Variants in SLC34A1 observed in about 807,000 individuals in gnomAD.
SLC34A1 encodes sodium-dependent phosphate transport protein 2A.
Under a neutral mutation model 51.4 loss-of-function variants are expected in SLC34A1, and 57 were observed. That is an observed-to-expected ratio of 1.11 (90% confidence interval 0.90 to 1.38). The LOEUF (loss-of-function observed/expected upper bound fraction) is 1.38. Ranked by LOEUF, SLC34A1 falls within the 40% of genes most tolerant of loss-of-function variation. SLC34A1 has a pLI of 0.00. For synonymous variants in SLC34A1, 368 were observed against 358.0 expected, an observed-to-expected ratio of 1.03 and a Z score of -0.32; for missense variants, 796 against 835.6, an observed-to-expected ratio of 0.95 and a Z score of 0.58.
intron 9 of SLC34A1, 109 bp from the exon 10 acceptor site, chr5:177,393,919 C>G: frequency 6.5e-7 from 1 of 1,529,602 alleles, no homozygotes; most frequent in Non-Finnish European, 9.0e-7. Flanking sequence ...GGTGTTGAGG[C>G]TCAAGGAGCC....
chr5:177,389,916 C>T (rs781319980), intron 8 of SLC34A1: 145 of 1,428,134 alleles, frequency 1.0e-4, no homozygotes, highest in Non-Finnish European at 1.2e-4. Flanking sequence ...TCCTTAAACG[C>T]TTTCTGCAGG....
In SLC34A1 at chr5:177,386,115, C is replaced by A. The variant is rs746425091; in HGVS notation, c.238C>A (p.Leu80Met). The A allele has an allele frequency of 6.2e-7, 1 of 1,613,544 alleles. No individual in the cohort carries two copies. The highest frequency in any genetic ancestry group is 1.1e-5 in the South Asian group (1 of 91,040). Reference sequence around the variant, plus strand: ...TGAACCACTGCCTGCCAAGCTGGCCCTGGAGGAGGAGCAGAAGCCAGGTGG... The same window carrying A: ...TGAACCACTGCCTGCCAAGCTGGCCATGGAGGAGGAGCAGAAGCCAGGTGG... Reference protein sequence around the residue: ...RHEPLPAKLALEEEQKPESRL... With the variant: ...RHEPLPAKLAMEEEQKPESRL... The change falls in exon 3 of 13, where the codon CTG becomes ATG. Residue 80 changes from leucine to methionine, a missense_variant. Leu to Met is a conservative substitution (Grantham distance 15). Transcript: ENST00000324417. This position sits in a 1 kb window ranked among gnomAD's most constrained non-coding sequence, Gnocchi z 4.8.
Position 177,386,371 on chromosome 5 carries a change from C to G in SLC34A1, c.388+22C>G. The G allele has an allele frequency of 6.2e-7, 1 of 1,614,226 alleles. No homozygotes were observed. The highest frequency in any genetic ancestry group is 8.5e-7 in the Non-Finnish European group (1 of 1,180,028). Reference sequence around the variant, plus strand: ...GGAGGTAGGGCCCGGGTGGAGGAGACCTGGGAGGGGTTCCTGAAGGGCCTT... The same window carrying G: ...GGAGGTAGGGCCCGGGTGGAGGAGAGCTGGGAGGGGTTCCTGAAGGGCCTT... On this transcript the variant is annotated intron_variant, in intron 4 of 12. Coordinates refer to ENST00000324417, the MANE Select transcript of SLC34A1 (RefSeq NM_003052.5). This position sits in a 1 kb window ranked among gnomAD's most constrained non-coding sequence, Gnocchi z 4.8.
chr5:177,391,138 A>G (rs892327523), intron 8 of SLC34A1, among the ~76,000 whole-genome samples: 3 of 152,174 alleles, frequency 2.0e-5, no homozygotes, highest in Admixed American at 6.5e-5. Context: ...CATCTTGGGA[A>G]GATGCCCCCA....
intron 10 of SLC34A1, among the ~76,000 whole-genome samples, chr5:177,395,186 G>C (rs909307535): frequency 1.3e-5 from 2 of 151,924 alleles, no homozygotes. Context: ...AATAAAAATA[G>C]AAAAAGAAAA....
chr5:177,396,774 ATGG>A lies in SLC34A1; in HGVS notation c.1223_1225del (p.Val408del). The A allele has an allele frequency of 1.2e-6, 2 of 1,614,168 alleles. No individual in the cohort carries two copies. The highest frequency in any genetic ancestry group is 1.7e-6 in the Non-Finnish European group (2 of 1,180,032). On this transcript the variant is annotated inframe_deletion, in exon 11 of 13. Coordinates refer to ENST00000324417, the MANE Select transcript of SLC34A1 (RefSeq NM_003052.5). This position sits in a 1 kb window ranked among gnomAD's most constrained non-coding sequence, Gnocchi z 4.0. Reference sequence around the variant, plus strand: ...CACCTGGGTCACAGGCTACTTTGCCATGGTGGTGGGCGCCAGCATGACCTTCGT... The same window carrying A: ...CACCTGGGTCACAGGCTACTTTGCCATGGTGGGCGCCAGCATGACCTTCGT...
Position 177,397,025 on chromosome 5 carries a change from TC to T in SLC34A1, c.1369del (p.Leu457TrpfsTer86), listed in dbSNP as rs750306682. 2.5e-6 allele frequency: 4 copies of T among 1,614,050 alleles called. No individual in the cohort carries two copies. ...GSNIGTTTTA[I>X]LAALASPREK... ...AACATCGGCACCACCACCACGGCCATCCTGGCTGCCCTGGCCAGCCCCAGGG... is the reference window on the plus strand; with the variant it reads ...AACATCGGCACCACCACCACGGCCATCTGGCTGCCCTGGCCAGCCCCAGGG... On this transcript the variant is annotated frameshift_variant, in exon 12 of 13. Coordinates refer to ENST00000324417, the MANE Select transcript of SLC34A1 (RefSeq NM_003052.5). LOFTEE classifies it high-confidence loss of function.
In SLC34A1 at chr5:177,398,183, G is replaced by A. The variant is rs1211687117; in HGVS notation, c.1817G>A (p.Arg606His). 14 of 1,610,932 alleles carry A rather than the reference G, an allele frequency of 8.7e-6. No homozygotes were observed. Among genetic ancestry groups the A allele is most frequent in the Middle Eastern group, 1.7e-4 (1 of 6,060 alleles). ...CTATGCTGTGCCAGGCCTGAGCCCC[G>A]CTCACCCCCGCTGCCCCCCAGGGTC... ...ATLCCARPEP[R>H]SPPLPPRVFL... Residue 606 changes from arginine to histidine, a missense_variant, in exon 13 of 13, where the codon CGC becomes CAC. Physicochemically the swap from Arg to His is conservative, Grantham distance 29 (BLOSUM62 0). Coordinates refer to ENST00000324417, the MANE Select transcript of SLC34A1 (RefSeq NM_003052.5). This position sits in a 1 kb window ranked among gnomAD's most constrained non-coding sequence, Gnocchi z 4.7.
At chr5:177,392,080 C>T (rs1038837164) in intron 8 of SLC34A1, among the ~76,000 whole-genome samples, 25 of 152,308 alleles carry the variant, frequency 1.6e-4, no homozygotes, top group African/African-American at 5.5e-4. Context: ...CCTGATGTGG[C>T]GAACTGGGAG....
intron 8 of SLC34A1, among the ~76,000 whole-genome samples, chr5:177,393,453 G>A (rs1348631750): frequency 2.0e-5 from 3 of 152,158 alleles, no homozygotes; most frequent in Non-Finnish European, 4.4e-5. Flanking sequence ...TGGCCCCAGG[G>A]AGAGCTGGGC....
Position 177,398,696 on chromosome 5 carries a change from G to A in SLC34A1, c.*410G>A, listed in dbSNP as rs1339425736. 5.2e-5 allele frequency: 12 copies of A among 231,924 alleles called. No individual in the cohort carries two copies. Among genetic ancestry groups the A allele is most frequent in the South Asian group, 1.3e-4 (2 of 15,304 alleles). 14.4% of individuals were successfully genotyped at this position (231,924 alleles called of 1,614,324 possible). On this transcript the variant is annotated 3_prime_UTR_variant, in exon 13 of 13. Coordinates refer to ENST00000324417, the MANE Select transcript of SLC34A1 (RefSeq NM_003052.5). The surrounding 1 kb of genome is among the most constrained non-coding windows in gnomAD (Gnocchi z 4.7). ...TTTGTGCATAGATGTTGGTGCCTGC[G>A]TTACTGAATTTGCACACCTCCTTGC... is the stretch of plus-strand genomic sequence containing the variant.
chr5:177,389,780 A>G (rs1394330267), intron 8 of SLC34A1: 2 of 1,536,310 alleles, frequency 1.3e-6, no homozygotes, highest in Non-Finnish European at 1.7e-6. Context: ...AGCAGCCTCC[A>G]CGTCCTCACT....
chr5:177,388,485 C>A lies in SLC34A1; in HGVS notation c.936+113C>A. Reference sequence around the variant, plus strand: ...TGAAGATCATTTAGCCAGGAGAGGGCAAATATGTGGCCCTTCTACTGTGCT... The same window carrying A: ...TGAAGATCATTTAGCCAGGAGAGGGAAAATATGTGGCCCTTCTACTGTGCT... On this transcript the variant is annotated intron_variant, in intron 8 of 12. Transcript: ENST00000324417. This position sits in a 1 kb window ranked among gnomAD's most constrained non-coding sequence, Gnocchi z 4.3. 3.4e-6 allele frequency: 3 copies of A among 886,812 alleles called. No individual in the cohort carries two copies. The highest frequency in any genetic ancestry group is 5.5e-6 in the Non-Finnish European group (3 of 544,378). 54.9% of individuals were successfully genotyped at this position (886,812 alleles called of 1,614,324 possible). A position where few individuals can be genotyped will look rare whatever the true frequency, so the allele number is the denominator to read the frequency against.
At chr5:177,394,874 T>C (rs900486169) in intron 10 of SLC34A1, among the ~76,000 whole-genome samples, 1 of 151,944 alleles carries the variant, frequency 6.6e-6, no homozygotes, top group East Asian at 1.9e-4. Context: ...TTTGTATTTT[T>C]AGTCGAGACA....
rs1762593798 is a variant in SLC34A1, at chr5:177,386,840, C to G, written c.532+274C>G. 6.6e-6 allele frequency among the ~76,000 whole-genome samples: 1 copy of G among 151,092 alleles called. No homozygotes were observed. The highest frequency in any genetic ancestry group is 1.5e-5 in the Non-Finnish European group (1 of 67,782). On this transcript the variant is annotated intron_variant, in intron 5 of 12. Transcript: ENST00000324417. This position sits in a 1 kb window ranked among gnomAD's most constrained non-coding sequence, Gnocchi z 4.8. ...GCAGGCGGGAACTCTCAGGTGGGCG[C>G]CGACACTGCAGTCCAGACAGGGCAG...
chr5:177,394,372 G>A (rs1261785318), intron 10 of SLC34A1, among the ~76,000 whole-genome samples, 177 bp downstream of exon 10: 1 of 152,094 alleles, frequency 6.6e-6, no homozygotes, highest in Non-Finnish European at 1.5e-5. Flanking sequence ...GAGACCTGTG[G>A]CCGCCTCTGG....
intron 6 of SLC34A1, 57 bp from the exon 7 acceptor site, chr5:177,387,937 C>T: frequency 6.2e-7 from 1 of 1,610,412 alleles, no homozygotes; most frequent in Non-Finnish European, 8.5e-7. Flanking sequence ...GCCAGGAACC[C>T]CAGGCGTGAC....
chr5:177,392,161 G>A (rs1020603544), intron 8 of SLC34A1, among the ~76,000 whole-genome samples: 6 of 152,136 alleles, frequency 3.9e-5, no homozygotes, highest in South Asian at 2.1e-4. Flanking sequence ...TACACCAGAC[G>A]CCATAAAAGT....
chr5:177,398,346 G>A lies in SLC34A1; in HGVS notation c.*60G>A, dbSNP rs886060467. 1.3e-6 allele frequency: 2 copies of A among 1,588,848 alleles called. No homozygotes were observed. Among genetic ancestry groups the A allele is most frequent in the East Asian group, 4.5e-5 (2 of 44,846 alleles). ...GGCCTGGGGTGGAAAGGCAGGGGAGGGAGGGTGTGTGTAGGTATGTGCATG... is the reference window on the plus strand; with the variant it reads ...GGCCTGGGGTGGAAAGGCAGGGGAGAGAGGGTGTGTGTAGGTATGTGCATG... On this transcript the variant is annotated 3_prime_UTR_variant, in exon 13 of 13. Transcript: ENST00000324417. The surrounding 1 kb of genome is among the most constrained non-coding windows in gnomAD (Gnocchi z 4.7).
Sources: gnomAD v4.1 joint callset for allele counts (sites outside exome capture counted in the v4.1 genomes callset) on GRCh38, gnomAD v4.1.1 for gene constraint, Gnocchi (gnomAD v3.1) non-coding constraint, MANE v1.5 for transcripts, NCBI Gene and HGNC (gene_info 2026-07-23, HGNC 2026-07-21) for gene names.